GABARAPL1: variants seen among roughly 807,000 people sequenced by gnomAD.
The protein encoded by GABARAPL1 is GABA type A receptor associated protein like 1.
In GABARAPL1, 4 loss-of-function variants were observed where a neutral mutation model predicts 14.5. The ratio of observed to expected loss-of-function variants is 0.28; its 90% CI spans 0.14 to 0.63. The LOEUF is 0.63. Ranked by LOEUF, GABARAPL1 falls within the 30% of genes least tolerant of loss-of-function variation. The probability of loss-of-function intolerance (pLI) is 0.84; values close to 1 mark genes in which losing one functional copy is unlikely to be tolerated. For missense variants in GABARAPL1, 82 were observed against 139.2 expected (o/e 0.59, Z 2.07); for synonymous variants, 47 against 50.6 (o/e 0.93, Z 0.30).
At chr12:10,218,434 TTGG>T (rs1171927897) in intron 2 of GABARAPL1, among the ~76,000 whole-genome samples, 1 of 151,850 alleles carries the variant, frequency 6.6e-6, no homozygotes, top group African/African-American at 2.4e-5. Context: ...TTAGCTGGGC[TTGG>T]TGGCGGGTGC....
chr12:10,220,480 G>A lies in GABARAPL1; in HGVS notation c.210G>A (p.Leu70=), dbSNP rs1320915377. 1 of 1,613,368 alleles carries A rather than the reference G, an allele frequency of 6.2e-7. No individual in the cohort carries two copies. Among genetic ancestry groups the A allele is most frequent in the African/African-American group, 1.3e-5 (1 of 75,002 alleles). The change falls in exon 3 of 4, where the codon CTG becomes CTA. Residue 70 remains leucine, a synonymous_variant. Coordinates refer to ENST00000266458, the MANE Select transcript of GABARAPL1 (RefSeq NM_031412.4). Reference sequence around the variant, plus strand: ...TCTTAATCCGGAAGAGAATCCACCTGAGACCTGAGGACGCCTTATTCTTCT... The same window carrying A: ...TCTTAATCCGGAAGAGAATCCACCTAAGACCTGAGGACGCCTTATTCTTCT... ...FYFLIRKRIH[L]RPEDALFFFV... is the part of the protein sequence containing the mutation.
Position 10,220,803 on chromosome 12 carries a change from T to C in GABARAPL1, c.288+245T>C, listed in dbSNP as rs989928118. The C allele has an allele frequency of 2.1e-6, 3 of 1,451,030 alleles. No homozygotes were observed. In the African/African-American group the frequency reaches 4.3e-5, roughly 21 times the overall value. 89.9% of individuals were successfully genotyped at this position (1,451,030 alleles called of 1,614,324 possible). A position where few individuals can be genotyped will look rare whatever the true frequency, so the allele number is the denominator to read the frequency against. On this transcript the variant is annotated intron_variant, in intron 3 of 3. Transcript: ENST00000266458. The stretch of plus-strand genomic sequence containing the variant: ...GTCTGACTATAGTCTTGTCTGACTA[T>C]AGTGTTTTAATGCTGGACTGTTTAT...
At position 10,221,555 on chromosome 12, in the gene GABARAPL1, C is replaced by T. The variant is rs557638088; in HGVS notation, c.289-232C>T. On this transcript the variant is annotated intron_variant, in intron 3 of 3. Transcript: ENST00000266458. ...TTAAGAGTGAGGACTGTGCCCTAGT[C>T]ATCTTCATATCCCTGATACCTATGT... The T allele has an allele frequency of 3.5e-4, 189 of 543,788 alleles. No homozygotes were observed. In the African/African-American group the frequency reaches 3.6e-3, roughly 10 times the overall value. 33.7% of individuals were successfully genotyped at this position (543,788 alleles called of 1,614,324 possible).
intron 1 of GABARAPL1, among the ~76,000 whole-genome samples, chr12:10,217,264 A>G (rs1477456712): frequency 6.6e-6 from 1 of 152,212 alleles, no homozygotes; most frequent in African/African-American, 2.4e-5. Flanking sequence ...TTGTTTTAAC[A>G]CTGTTTCTTT....
Position 10,220,546 on chromosome 12 carries a change from C to T in GABARAPL1, c.276C>T (p.Gly92=). The change falls in exon 3 of 4, where the codon GGC becomes GGT. Residue 92 remains glycine, a synonymous_variant. Transcript: ENST00000266458. ...TCCCTCCCACCAGTGCTACCATGGGCCAACTGTATGAGGTAATGGTTCTGG... is the reference window on the plus strand; with the variant it reads ...TCCCTCCCACCAGTGCTACCATGGGTCAACTGTATGAGGTAATGGTTCTGG... ...NTIPPTSATM[G]QLYEDNHEED... 1 of 1,614,034 alleles carries T rather than the reference C, an allele frequency of 6.2e-7. No individual in the cohort carries two copies. The highest frequency in any genetic ancestry group is 8.5e-7 in the Non-Finnish European group (1 of 1,179,926).
intron 3 of GABARAPL1, 93 bp from the exon 4 acceptor site, chr12:10,221,694 C>G: frequency 7.1e-7 from 1 of 1,402,196 alleles, no homozygotes; most frequent in Non-Finnish European, 1.0e-6. Flanking sequence ...ATGATACCTT[C>G]CATACCTGCT....
intron 1 of GABARAPL1, among the ~76,000 whole-genome samples, chr12:10,215,192 G>A (rs1385187572): frequency 6.6e-6 from 1 of 152,132 alleles, no homozygotes. Flanking sequence ...AGAAAAGAGG[G>A]TTAGAGTAAT....
chr12:10,213,777 T>A, intron 1 of GABARAPL1: 1 of 454,040 alleles, frequency 2.2e-6, no homozygotes, highest in Admixed American at 2.4e-5. Context: ...AAGACAGTCC[T>A]GGCCTGGAAA....
At chr12:10,216,228 G>A (rs537596348) in intron 1 of GABARAPL1, among the ~76,000 whole-genome samples, 3 of 151,968 alleles carry the variant, frequency 2.0e-5, no homozygotes, top group Non-Finnish European at 4.4e-5. Flanking sequence ...AAAATTAGCC[G>A]GGCGTGGTGG....
intron 1 of GABARAPL1, chr12:10,213,757 A>G: frequency 2.3e-6 from 1 of 439,104 alleles, no homozygotes; most frequent in South Asian, 1.6e-5. Flanking sequence ...ACAGGGGGTT[A>G]GGGGAGCACA....
intron 1 of GABARAPL1, chr12:10,213,652 T>G (rs1949071184): frequency 8.7e-6 from 3 of 344,710 alleles, no homozygotes; most frequent in Non-Finnish European, 1.2e-5. Context: ...ATTTCTGCCT[T>G]GGCTGGTTCT....
At chr12:10,218,690 TTTAA>T (rs562583995) in intron 2 of GABARAPL1, among the ~76,000 whole-genome samples, 214 of 152,040 alleles carry the variant, frequency 1.4e-3, no homozygotes, top group Middle Eastern at 0.01. Context: ...CCACTTTTAT[TTTAA>T]TTAATTAATT....
At chr12:10,213,364 C>A in intron 1 of GABARAPL1, 145 bp downstream of exon 1, 1 of 706,288 alleles carries the variant, frequency 1.4e-6, no homozygotes, top group Non-Finnish European at 2.6e-6. Context: ...CCCTTCAGTG[C>A]CAGAGCCAAT....
In GABARAPL1 at chr12:10,221,896, A is replaced by C. The variant is rs767674400; in HGVS notation, c.*44A>C. 3.2e-6 allele frequency: 5 copies of C among 1,586,356 alleles called. No homozygotes were observed. The South Asian group carries it at 5.5e-5, about 18-fold the overall frequency. Reference sequence around the variant, plus strand: ...GATGGGAGCACCTGGACTTGGGGGTAGGGGAGGGGTGTGTGTGCGCGACAT... The same window carrying C: ...GATGGGAGCACCTGGACTTGGGGGTCGGGGAGGGGTGTGTGTGCGCGACAT... On this transcript the variant is annotated 3_prime_UTR_variant, in exon 4 of 4. Coordinates refer to ENST00000266458, the MANE Select transcript of GABARAPL1 (RefSeq NM_031412.4).
intron 1 of GABARAPL1, chr12:10,214,528 C>A (rs1477699045): frequency 6.6e-6 from 1 of 152,168 alleles, no homozygotes; most frequent in Non-Finnish European, 1.5e-5. Flanking sequence ...AAATTTTGCC[C>A]AGTTCTGGTG....
intron 1 of GABARAPL1, chr12:10,214,134 T>C (rs1949074620): frequency 4.4e-6 from 1 of 227,958 alleles, no homozygotes; most frequent in Non-Finnish European, 9.3e-6. Context: ...CAGCAGCTGT[T>C]GGATTTTGGA....
chr12:10,215,833 G>A (rs960905404), intron 1 of GABARAPL1, among the ~76,000 whole-genome samples: 10 of 150,842 alleles, frequency 6.6e-5, no homozygotes, highest in African/African-American at 2.4e-4. Context: ...TGGTCTTCCT[G>A]GTTCAGGATT....
chr12:10,220,257 C>T (rs1949113067), intron 2 of GABARAPL1, among the ~76,000 whole-genome samples, 183 bp from the exon 3 acceptor site: 1 of 152,130 alleles, frequency 6.6e-6, no homozygotes, highest in South Asian at 2.1e-4. Flanking sequence ...GTGTGGGCTT[C>T]CGAGTTTCCC....
rs1423952967 is a variant in GABARAPL1, at chr12:10,221,769, T to A, written c.289-18T>A. On this transcript the variant is annotated intron_variant, in intron 3 of 3. Transcript: ENST00000266458. The stretch of plus-strand genomic sequence containing the variant: ...AATGAATATGTTTTCTAAACTGTTG[T>A]CTTATCTCTTCCCCTAGGACAATCA... 6.2e-7 allele frequency: 1 copy of A among 1,613,652 alleles called. No homozygotes were observed. The highest frequency in any genetic ancestry group is 1.1e-5 in the South Asian group (1 of 91,060).
Sources: gnomAD v4.1 joint callset for allele counts (sites outside exome capture counted in the v4.1 genomes callset) on GRCh38, gnomAD v4.1.1 for gene constraint, MANE v1.5 for transcripts, NCBI Gene and HGNC (gene_info 2026-07-23, HGNC 2026-07-21) for gene names.